ZBTB37: variants seen among roughly 807,000 people sequenced by gnomAD.
ZBTB37 encodes the protein zinc finger and BTB domain containing 37.
A neutral mutation model predicts 37.7 loss-of-function variants in ZBTB37; 15 were observed. That is an observed-to-expected ratio of 0.40 (90% CI 0.27 to 0.61). The LOEUF is 0.61. ZBTB37 is among the 20% of genes least tolerant of loss of function. The pLI is 0.44. For missense variants in ZBTB37, 514 were observed against 641.9 expected, an observed-to-expected ratio of 0.80 and a Z score of 2.15; for synonymous variants, 231 against 220.6, an observed-to-expected ratio of 1.05 and a Z score of -0.42.
chr1:173,870,989 G>A, exon 3 of ZBTB37: 1 of 1,614,218 alleles, frequency 6.2e-7, no homozygotes, highest in Non-Finnish European at 8.5e-7. Context: ...GAGTGGCTTG[G>A]GCCTGAGAAT....
At chr1:173,895,559 T>C (rs1657013411) in exon 4 of ZBTB37, 1 of 152,210 alleles carries the variant, frequency 6.6e-6, no homozygotes, top group Non-Finnish European at 1.5e-5. Context: ...GATCATATTC[T>C]TGAGATAGTG....
exon 4 of ZBTB37, chr1:173,898,963 C>T (rs1171398007): frequency 1.3e-5 from 2 of 152,160 alleles, no homozygotes; most frequent in Non-Finnish European, 2.9e-5. Context: ...GACCCATTTT[C>T]AGATTTTTAG....
exon 4 of ZBTB37, chr1:173,901,647 C>T (rs987484440): frequency 4.6e-5 from 7 of 152,272 alleles, no homozygotes; most frequent in Non-Finnish European, 8.8e-5. Context: ...GCGATCCTCC[C>T]ACCTAGGACT....
exon 4 of ZBTB37, chr1:173,902,402 G>A (rs1657297415): frequency 6.6e-6 from 1 of 152,200 alleles, no homozygotes; most frequent in African/African-American, 2.4e-5. Context: ...ATTTTTAGCT[G>A]TAAGAACCTA....
At chr1:173,878,962 G>A (rs1656137239) in intron 4 of ZBTB37, among the ~76,000 whole-genome samples, 1 of 151,796 alleles carries the variant, frequency 6.6e-6, no homozygotes, top group South Asian at 2.1e-4. Flanking sequence ...ATGGTGGCGG[G>A]TGCCTGTAAT....
At chr1:173,897,097 G>A (rs1657080501) in exon 4 of ZBTB37, 1 of 152,128 alleles carries the variant, frequency 6.6e-6, no homozygotes, top group African/African-American at 2.4e-5. Flanking sequence ...GTATATGCAT[G>A]TGCATTGAAC....
chr1:173,871,163 G>A lies in ZBTB37; in HGVS notation c.923+15G>A. 1 of 1,568,956 alleles carries A rather than the reference G, an allele frequency of 6.4e-7. No homozygotes were observed. The highest frequency in any genetic ancestry group is 8.6e-7 in the Non-Finnish European group (1 of 1,158,104). On this transcript the variant is annotated intron_variant, in intron 3 of 4. Transcript: ENST00000427304. Reference sequence around the variant, plus strand: ...GAAGTTGACAGGTAGGTTTGGTTTGGTTTGGTTTTCCCATGTAATGGCTAT... The same window carrying A: ...GAAGTTGACAGGTAGGTTTGGTTTGATTTGGTTTTCCCATGTAATGGCTAT...
chr1:173,887,407 A>G (rs780937393), downstream of ZBTB37: 12 of 152,228 alleles, frequency 7.9e-5, no homozygotes, highest in Non-Finnish European at 1.5e-4. Flanking sequence ...CTTATCAGAA[A>G]ACATCATGCA....
At chr1:173,898,648 A>T (rs1327468042) in exon 4 of ZBTB37, 1 of 152,142 alleles carries the variant, frequency 6.6e-6, no homozygotes, top group Admixed American at 6.5e-5. Context: ...AATAGTCATG[A>T]TGTCCTCACC....
At chr1:173,873,769 G>A in intron 4 of ZBTB37, 4 of 755,998 alleles carry the variant, frequency 5.3e-6, no homozygotes, top group South Asian at 3.6e-5. Context: ...ATTGCAGACT[G>A]GTATTTCTAC....
intron 3 of ZBTB37, among the ~76,000 whole-genome samples, chr1:173,872,193 C>T (rs769670155): frequency 2.0e-5 from 3 of 152,108 alleles, no homozygotes; most frequent in South Asian, 4.2e-4. Flanking sequence ...CTCAGCCTCC[C>T]GAGTAGCTGG....
intron 4 of ZBTB37, among the ~76,000 whole-genome samples, chr1:173,874,475 C>A (rs1274593232): frequency 6.6e-6 from 1 of 151,798 alleles, no homozygotes; most frequent in Non-Finnish European, 1.5e-5. Flanking sequence ...CTCAGCCTCC[C>A]AAGTAGCTGG....
exon 5 of ZBTB37, chr1:173,886,190 T>C (rs2102751103): frequency 6.7e-7 from 1 of 1,482,502 alleles, no homozygotes; most frequent in Non-Finnish European, 9.0e-7. Context: ...ATCAGAGCCA[T>C]GGGCTGATAC....
chr1:173,873,339 C>T, intron 3 of ZBTB37, 128 bp from the exon 4 acceptor site: 1 of 879,766 alleles, frequency 1.1e-6, no homozygotes, highest in Non-Finnish European at 1.7e-6. Context: ...AAAACTATTC[C>T]TCAGTTATTT....
chr1:173,895,744 C>T (rs572026583), exon 4 of ZBTB37: 2 of 152,286 alleles, frequency 1.3e-5, no homozygotes, highest in East Asian at 3.9e-4. Flanking sequence ...CAGCCTCTCT[C>T]ATTTAAAATA....
At chr1:173,890,582 T>G (rs1019187803), downstream of ZBTB37, 5 of 152,214 alleles carry the variant, frequency 3.3e-5, no homozygotes, top group Non-Finnish European at 5.9e-5. Context: ...TGAAATACTT[T>G]GGTTGCTAAG....
chr1:173,870,777 C>G (rs780322588), exon 3 of ZBTB37: 1 of 1,614,222 alleles, frequency 6.2e-7, no homozygotes, highest in South Asian at 1.1e-5. Context: ...TGCTGGATAT[C>G]AGAGAGCTAA....
chr1:173,881,128 CA>C (rs1196119006), intron 4 of ZBTB37, among the ~76,000 whole-genome samples: 1 of 151,950 alleles, frequency 6.6e-6, no homozygotes, highest in Non-Finnish European at 1.5e-5. Flanking sequence ...CGACAGGCCC[CA>C]GTGTGTGATG....
chr1:173,873,501 G>A (rs896185660), exon 4 of ZBTB37: 1 of 1,613,776 alleles, frequency 6.2e-7, no homozygotes, highest in Non-Finnish European at 8.5e-7. Context: ...TCCCTTGACA[G>A]AGAGACACAG....
Sources: gnomAD v4.1 joint callset for allele counts (sites outside exome capture counted in the v4.1 genomes callset) on GRCh38, gnomAD v4.1.1 for gene constraint, MANE v1.5 for transcripts, NCBI Gene and HGNC (gene_info 2026-07-23, HGNC 2026-07-21) for gene names.